GGA2: variants seen among roughly 807,000 people sequenced by gnomAD.
GGA2 encodes the protein golgi associated, gamma adaptin ear containing, ARF binding protein 2.
GGA2 carries 48 observed loss-of-function variants against 79.5 expected under a neutral mutation model. The observed-to-expected ratio is 0.60, with a 90% CI of 0.48 to 0.77. The LOEUF (loss-of-function observed/expected upper bound fraction) is 0.77. Among genes scored for constraint, GGA2 ranks in the 30% least tolerant of loss-of-function variants. GGA2 has a pLI of 0.00. For missense variants in GGA2, 770 were observed against 774.0 expected, an observed-to-expected ratio of 0.99 and a Z score of 0.06; for synonymous variants, 317 against 302.0, an observed-to-expected ratio of 1.05 and a Z score of -0.51.
At chr16:23,505,074 C>A (rs933956836) in intron 1 of GGA2, among the ~76,000 whole-genome samples, 1 of 152,186 alleles carries the variant, frequency 6.6e-6, no homozygotes, top group Non-Finnish European at 1.5e-5. Context: ...CCCCGAGGAG[C>A]AGAATGCAAT....
At chr16:23,480,796 C>A in intron 9 of GGA2, 26 bp from the exon 10 acceptor site, 5 of 1,593,590 alleles carry the variant, frequency 3.1e-6, no homozygotes, top group Admixed American at 1.7e-5. Flanking sequence ...AGACTCAGAA[C>A]CCCCTGGTTT....
chr16:23,478,809 G>C, intron 12 of GGA2, 74 bp downstream of exon 12: 3 of 1,050,714 alleles, frequency 2.9e-6, no homozygotes, highest in Non-Finnish European at 4.5e-6. Context: ...CTGCTCGCCA[G>C]GCAGTGCTGC....
Position 23,473,330 on chromosome 16 carries a change from C to CTTTTTTTT in GGA2, c.1450+1566_1450+1573dup, listed in dbSNP as rs34972165. On this transcript the variant is annotated intron_variant, in intron 14 of 16. Coordinates refer to ENST00000309859, the MANE Select transcript of GGA2 (RefSeq NM_015044.4). The stretch of plus-strand genomic sequence containing the variant: ...GTATAGATGATTTTACTTTTCTAGT[C>CTTTTTTTT]TTTTTTTTTTTTTTTTTTTTTTTTT... 6.2e-4 allele frequency among the ~76,000 whole-genome samples: 44 copies of CTTTTTTTT among 70,694 alleles called. 11 individuals carry two copies. Among genetic ancestry groups the CTTTTTTTT allele is most frequent in the Non-Finnish European group, 8.2e-4 (34 of 41,518 alleles). The allele number at this position is 70,694 out of a possible 152,430, so 46.4% of individuals were successfully genotyped here.
chr16:23,512,440 T>C (rs1031169413), upstream of GGA2, among the ~76,000 whole-genome samples: 19 of 152,180 alleles, frequency 1.2e-4, no homozygotes, highest in African/African-American at 4.6e-4. Context: ...AGAACACACA[T>C]TCTTCTTAGA....
rs1250778684 is a variant in GGA2, at chr16:23,488,703, A to G, written c.482T>C (p.Ile161Thr). 4 of 1,568,748 alleles carry G rather than the reference A, an allele frequency of 2.5e-6. No homozygotes were observed. Among genetic ancestry groups the G allele is most frequent in the South Asian group, 2.2e-5 (2 of 90,132 alleles). Reference protein sequence around the residue: ...AYQMLKKQGIIKQDPKLPVDK... With the variant: ...AYQMLKKQGITKQDPKLPVDK... ...CACTGGTAGTTTAGGGTCTTGTTTT[A>G]TAATTCCTAAAAATGCAATTTACAA... Residue 161 changes from isoleucine to threonine, a missense_variant, in exon 6 of 17, where the codon ATA (isoleucine) becomes ACA (threonine). Coordinates refer to ENST00000309859, the MANE Select transcript of GGA2 (RefSeq NM_015044.4).
At chr16:23,487,122 T>C (rs1250606972) in intron 6 of GGA2, among the ~76,000 whole-genome samples, 6 of 151,822 alleles carry the variant, frequency 4.0e-5, no homozygotes, top group Non-Finnish European at 8.8e-5. Context: ...GCTGGGACTA[T>C]AGGCGCGTGC....
chr16:23,510,559 C>A (rs557220335), upstream of GGA2: 4 of 389,370 alleles, frequency 1.0e-5, no homozygotes, highest in East Asian at 3.8e-5. Context: ...CCAGGCCCCC[C>A]CTCCACGCGG....
At chr16:23,477,734 G>A (rs1013446568) in intron 13 of GGA2, among the ~76,000 whole-genome samples, 2 of 152,108 alleles carry the variant, frequency 1.3e-5, no homozygotes, top group African/African-American at 2.4e-5. Context: ...GCGACAGAGC[G>A]AGACTCCATC....
At chr16:23,515,566 C>A (rs1173731051) in intron 2 of GGA2, among the ~76,000 whole-genome samples, 1 of 107,768 alleles carries the variant, frequency 9.3e-6, no homozygotes, top group Non-Finnish European at 1.8e-5. Flanking sequence ...CACTGCACTC[C>A]AGCCTGCAAA....
intron 3 of GGA2, chr16:23,493,760 A>C (rs1311216774): frequency 2.8e-6 from 1 of 351,948 alleles, no homozygotes; most frequent in Non-Finnish European, 5.3e-6. Context: ...TGGCTAAAGA[A>C]CCAACCCCTC....
chr16:23,505,059 G>A (rs544051122), intron 1 of GGA2, among the ~76,000 whole-genome samples: 18 of 152,178 alleles, frequency 1.2e-4, no homozygotes, highest in Non-Finnish European at 2.4e-4. Context: ...GTGAGGAAGT[G>A]GTCACCCCGA....
At chr16:23,516,682 G>T (rs1965105261) in intron 2 of GGA2, among the ~76,000 whole-genome samples, 1 of 152,010 alleles carries the variant, frequency 6.6e-6, no homozygotes, top group Admixed American at 6.6e-5. Context: ...CTTTGCTGAG[G>T]TGCCTGCCAC....
At chr16:23,477,731 A>T (rs1232267815) in intron 13 of GGA2, among the ~76,000 whole-genome samples, 2 of 152,156 alleles carry the variant, frequency 1.3e-5, no homozygotes, top group African/African-American at 4.8e-5. Flanking sequence ...AGGGCGACAG[A>T]GCGAGACTCC....
chr16:23,501,428 CTTGAGT>C (rs1964920599), intron 1 of GGA2: 12 of 436,976 alleles, frequency 2.7e-5, no homozygotes, highest in South Asian at 2.0e-4. Context: ...TTTGGAGCTA[CTTGAGT>C]TTAATATTCA....
At position 23,510,159 on chromosome 16, in the gene GGA2, G is replaced by A. The variant is rs1965021272; in HGVS notation, c.91+162C>T. 2.0e-5 allele frequency among the ~76,000 whole-genome samples: 3 copies of A among 151,948 alleles called. No homozygotes were observed. The South Asian group carries it at 6.2e-4, about 32-fold the overall frequency. On this transcript the variant is annotated intron_variant, in intron 1 of 16. Coordinates refer to ENST00000309859, the MANE Select transcript of GGA2 (RefSeq NM_015044.4). The stretch of plus-strand genomic sequence containing the variant: ...GGCGGATGCTTGGGGCTCCTCTCGG[G>A]GGACCCCTGGGCGATCTTCCCCACC...
At chr16:23,475,182 T>C in intron 13 of GGA2, 121 bp from the exon 14 acceptor site, 1 of 551,744 alleles carries the variant, frequency 1.8e-6, no homozygotes, top group Non-Finnish European at 3.2e-6. Flanking sequence ...AGTTAGATGT[T>C]ATATGCCTTT....
chr16:23,465,166 AAC>A lies in GGA2; in HGVS notation c.*2422_*2423del. The A allele has an allele frequency of 3.4e-6, 2 of 594,676 alleles. No homozygotes were observed. The highest frequency in any genetic ancestry group is 6.0e-6 in the Non-Finnish European group (2 of 333,762). 36.8% of individuals were successfully genotyped at this position (594,676 alleles called of 1,614,324 possible). ...CTGGTCAACAACTAGCTTTTAAAAA[AAC>A]AGAGACACGGTCTCACTATGTAGCC... On this transcript the variant is annotated 3_prime_UTR_variant, in exon 17 of 17. Coordinates refer to ENST00000309859, the MANE Select transcript of GGA2 (RefSeq NM_015044.4).
chr16:23,518,746 T>G (rs931565850), intron 2 of GGA2, among the ~76,000 whole-genome samples: 4 of 152,230 alleles, frequency 2.6e-5, no homozygotes, highest in Non-Finnish European at 4.4e-5. Flanking sequence ...GACCAGCTGA[T>G]GAGTGCCATT....
At chr16:23,504,362 A>C (rs1964952039) in intron 1 of GGA2, among the ~76,000 whole-genome samples, 2 of 152,236 alleles carry the variant, frequency 1.3e-5, no homozygotes, top group Admixed American at 6.5e-5. Flanking sequence ...AACTCCTTGA[A>C]GGCAAAAAGC....
Sources: gnomAD v4.1 joint callset for allele counts (sites outside exome capture counted in the v4.1 genomes callset) on GRCh38, gnomAD v4.1.1 for gene constraint, MANE v1.5 for transcripts, NCBI Gene and HGNC (gene_info 2026-07-23, HGNC 2026-07-21) for gene names.